The following CNNM4 variants were observed in gnomAD, a reference collection of about 807,000 sequenced individuals.
The protein encoded by CNNM4 is metal transporter CNNM4.
Under a neutral mutation model 53.7 loss-of-function variants are expected in CNNM4, and 32 were observed. The ratio of observed to expected loss-of-function variants is 0.60; its 90% CI spans 0.45 to 0.80. The LOEUF (loss-of-function observed/expected upper bound fraction) is 0.80, where lower values mean the gene tolerates loss of function less well. Ranked by LOEUF, CNNM4 falls within the 30% of genes least tolerant of loss-of-function variation. CNNM4 has a pLI of 0.00. For missense variants in CNNM4, 784 were observed against 1,022.0 expected, an observed-to-expected ratio of 0.77 and a Z score of 3.17; for synonymous variants, 410 against 440.0, an observed-to-expected ratio of 0.93 and a Z score of 0.85.
chr2:96,802,355 C>T (rs1000857765), intron 5 of CNNM4, among the ~76,000 whole-genome samples: 4 of 152,262 alleles, frequency 2.6e-5, no homozygotes, highest in African/African-American at 9.6e-5. Flanking sequence ...AGGAGACGCA[C>T]CCCAGCGGGT....
intron 1 of CNNM4, among the ~76,000 whole-genome samples, chr2:96,792,203 G>A (rs1361675352): frequency 3.5e-5 from 5 of 142,258 alleles, no homozygotes; most frequent in African/African-American, 5.2e-5. Context: ...CTGAGATCAC[G>A]CCACTGCACT....
chr2:96,772,249 C>T (rs1441497134), intron 1 of CNNM4, among the ~76,000 whole-genome samples: 2 of 147,384 alleles, frequency 1.4e-5, no homozygotes, highest in African/African-American at 5.1e-5. Flanking sequence ...CACAGGCAGG[C>T]GCTTACACAC....
Position 96,809,823 on chromosome 2 carries a change from A to G in CNNM4, c.*306A>G, listed in dbSNP as rs895340133. The G allele has an allele frequency of 4.4e-5, 14 of 315,992 alleles. No individual in the cohort carries two copies. The highest frequency in any genetic ancestry group is 7.0e-5 in the Non-Finnish European group (12 of 171,020). 19.6% of individuals were successfully genotyped at this position (315,992 alleles called of 1,614,324 possible). A position where few individuals can be genotyped will look rare whatever the true frequency, so the allele number is the denominator to read the frequency against. On this transcript the variant is annotated 3_prime_UTR_variant, in exon 7 of 7. Coordinates refer to ENST00000377075, the MANE Select transcript of CNNM4 (RefSeq NM_020184.4). ...TTTTTAAATATCATTTTGGGAAGGG[A>G]AGACAGGGTTAAGGAACTTTATTTA...
intron 1 of CNNM4, among the ~76,000 whole-genome samples, chr2:96,778,506 G>A (rs966396110): frequency 6.7e-6 from 1 of 150,070 alleles, no homozygotes; most frequent in African/African-American, 2.5e-5. Context: ...GCAGTGAGTC[G>A]AGATGGCACC....
chr2:96,799,310 A>AG (rs1184413136), intron 4 of CNNM4, 84 bp downstream of exon 4: 13 of 1,555,908 alleles, frequency 8.4e-6, no homozygotes, highest in Non-Finnish European at 9.7e-6. Context: ...CCTGCTGCGG[A>AG]GGTGCATGGC....
At chr2:96,791,191 A>C (rs1303784683) in intron 1 of CNNM4, among the ~76,000 whole-genome samples, 2 of 151,892 alleles carry the variant, frequency 1.3e-5, no homozygotes, top group East Asian at 3.9e-4. Context: ...AGTCCCAGCT[A>C]CTCAGGAGGC....
chr2:96,808,474 T>C lies in CNNM4; in HGVS notation c.1949-87T>C. The C allele has an allele frequency of 7.1e-7, 1 of 1,408,694 alleles. No homozygotes were observed. Among genetic ancestry groups the C allele is most frequent in the Non-Finnish European group, 1.0e-6 (1 of 1,003,364 alleles). The allele number at this position is 1,408,694 out of a possible 1,614,324, so 87.3% of individuals were successfully genotyped here. ...TTCCTGTTCCTGGGTGGGGTGTCCC[T>C]GGGCTTCCATGGGATGAGGTGAGAC... is the stretch of plus-strand genomic sequence containing the variant. On this transcript the variant is annotated intron_variant, in intron 5 of 6. Transcript: ENST00000377075. This position sits in a 1 kb window ranked among gnomAD's most constrained non-coding sequence, Gnocchi z 4.9.
intron 1 of CNNM4, among the ~76,000 whole-genome samples, chr2:96,779,314 G>A (rs2078953395): frequency 6.6e-6 from 1 of 152,004 alleles, no homozygotes; most frequent in South Asian, 2.1e-4. Flanking sequence ...TTTGAGACTA[G>A]CCTGGGCAAC....
rs898486949 is a variant in CNNM4 at position 96,809,099 on chromosome 2, C to A, written c.2131-221C>A. ...TCAAGCGATTTGCCCGCCTCAGCCT[C>A]CTGAAGTGCTGGGATTACAGGTGTG... On this transcript the variant is annotated intron_variant, in intron 6 of 6. Transcript: ENST00000377075. 6.0e-6 allele frequency: 6 copies of A among 998,842 alleles called. No individual in the cohort carries two copies. The Admixed American group carries it at 1.5e-4, about 25-fold the overall frequency. The allele number at this position is 998,842 out of a possible 1,614,324, so 61.9% of individuals were successfully genotyped here.
At position 96,761,354 on chromosome 2, in the gene CNNM4, C is replaced by T; in HGVS notation, c.355C>T (p.Gln119Ter). Residue 119 changes from glutamine (Q) to a stop codon, truncating the protein, a stop_gained, in exon 1 of 7, where the codon CAG becomes TAG. Transcript: ENST00000377075. LOFTEE classifies it high-confidence loss of function. This position sits in a 1 kb window ranked among gnomAD's most constrained non-coding sequence, Gnocchi z 6.0. ...GCTCACCAAGGACCTGGTCGTCCAG[C>T]AGCTGGTCAACGTGAGCCGCGGGAA... is the stretch of plus-strand genomic sequence containing the variant. ...LELTKDLVVQ[Q>*]LVNVSRGNTS... The T allele has an allele frequency of 6.2e-7, 1 of 1,614,090 alleles. No homozygotes were observed. The highest frequency in any genetic ancestry group is 8.5e-7 in the Non-Finnish European group (1 of 1,180,034).
In CNNM4 at chr2:96,761,796, G is replaced by T; in HGVS notation, c.797G>T (p.Gly266Val). Reference protein sequence around the residue: ...SLTILLDNLIGSGLMAVASST... With the variant: ...SLTILLDNLIVSGLMAVASST... ...ACAATCCTTCTAGACAACCTCATCG[G>T]GTCCGGCCTCATGGCGGTGGCCTCC... The change falls in exon 1 of 7, where the codon GGG becomes GTG. Residue 266 changes from glycine to valine, a missense_variant. Gly to Val is a moderately radical substitution (Grantham distance 109). This residue lies in a region of CNNM4 where 473 missense variants were observed against 624.6 expected (regional missense o/e 0.76). Coordinates refer to ENST00000377075, the MANE Select transcript of CNNM4 (RefSeq NM_020184.4). This position sits in a 1 kb window ranked among gnomAD's most constrained non-coding sequence, Gnocchi z 6.0. The T allele has an allele frequency of 6.2e-7, 1 of 1,613,668 alleles. No individual in the cohort carries two copies. Among genetic ancestry groups the T allele is most frequent in the Non-Finnish European group, 8.5e-7 (1 of 1,180,044 alleles).
At position 96,799,243 on chromosome 2, in the gene CNNM4, C is replaced by T. The variant is rs377682103; in HGVS notation, c.1851+17C>T. 1.9e-6 allele frequency: 3 copies of T among 1,614,096 alleles called. No individual in the cohort carries two copies. Among genetic ancestry groups the T allele is most frequent in the Non-Finnish European group, 2.5e-6 (3 of 1,179,996 alleles). On this transcript the variant is annotated intron_variant, in intron 4 of 6. Coordinates refer to ENST00000377075, the MANE Select transcript of CNNM4 (RefSeq NM_020184.4). ...ATCCTGCAGGTGAGCCCGCTCAGCC[C>T]TGGGCCTGCCACCTGCTCCCCCTGG... is the stretch of plus-strand genomic sequence containing the variant.
At chr2:96,806,970 G>C (rs911958049) in intron 5 of CNNM4, among the ~76,000 whole-genome samples, 8 of 152,160 alleles carry the variant, frequency 5.3e-5, no homozygotes, top group East Asian at 1.9e-4. Flanking sequence ...AAGTGGGTAG[G>C]ACTGTGTTTC....
rs376613124 is a variant in CNNM4 at position 96,766,143 on chromosome 2, C to T, written c.1402+3742C>T. Among the ~76,000 whole-genome samples, 26 of 142,420 alleles carry T rather than the reference C, an allele frequency of 1.8e-4. 2 individuals carry two copies. Among genetic ancestry groups the T allele is most frequent in the Admixed American group, 7.5e-4 (10 of 13,294 alleles). The allele number at this position is 142,420 out of a possible 152,430, so 93.4% of individuals were successfully genotyped here. A position where few individuals can be genotyped will look rare whatever the true frequency, so the allele number is the denominator to read the frequency against. ...ACAGAGTTTCACTCTGGCATGATCTCGGCTCACTGCAACCTCCACCTCCCA... is the reference window on the plus strand; with the variant it reads ...ACAGAGTTTCACTCTGGCATGATCTTGGCTCACTGCAACCTCCACCTCCCA... On this transcript the variant is annotated intron_variant, in intron 1 of 6. Transcript: ENST00000377075.
At position 96,809,373 on chromosome 2, in the gene CNNM4, C is replaced by A. The variant is rs769901850; in HGVS notation, c.2184C>A (p.Ser728Arg). Residue 728 changes from serine to arginine, a missense_variant, in exon 7 of 7, where the codon AGC becomes AGA. Around this residue, in one of 3 missense-constraint regions of CNNM4, gnomAD observed 307 missense variants for 376.3 expected, o/e 0.82. Coordinates refer to ENST00000377075, the MANE Select transcript of CNNM4 (RefSeq NM_020184.4). ...NGLLASRMEN[S>R]PQFPIDGCTT... Reference sequence around the variant, plus strand: ...TGCTGGCTTCTCGCATGGAGAACAGCCCTCAGTTTCCCATAGACGGGTGCA... The same window carrying A: ...TGCTGGCTTCTCGCATGGAGAACAGACCTCAGTTTCCCATAGACGGGTGCA... 11 of 1,614,202 alleles carry A rather than the reference C, an allele frequency of 6.8e-6. No homozygotes were observed. Among genetic ancestry groups the A allele is most frequent in the Middle Eastern group, 1.6e-4 (1 of 6,062 alleles).
chr2:96,792,802 CA>C (rs1250699840), intron 1 of CNNM4, among the ~76,000 whole-genome samples: 14 of 146,760 alleles, frequency 9.5e-5, no homozygotes, highest in South Asian at 2.2e-4. Context: ...GACTACATCT[CA>C]AAAAAAAAAG....
chr2:96,779,193 C>T lies in CNNM4; in HGVS notation c.1402+16792C>T, dbSNP rs866666447. 5.3e-5 allele frequency among the ~76,000 whole-genome samples: 8 copies of T among 152,200 alleles called. No homozygotes were observed. In the East Asian group the frequency reaches 5.8e-4, roughly 11 times the overall value. On this transcript the variant is annotated intron_variant, in intron 1 of 6. Transcript: ENST00000377075. Reference sequence around the variant, plus strand: ...CAGGATGGTCTCGATCTCCTGAGCTCGTGATCCGCCCGCCTCGGCCTCCCA... The same window carrying T: ...CAGGATGGTCTCGATCTCCTGAGCTTGTGATCCGCCCGCCTCGGCCTCCCA...
In CNNM4 at chr2:96,799,055, A is replaced by G; in HGVS notation, c.1682-2A>G. Reference sequence around the variant, plus strand: ...TGAGGTCTCTTCTCTCTCCTCCTACAGAGGTCTCTCAGTTTAGCCCCTCCC... The same window carrying G: ...TGAGGTCTCTTCTCTCTCCTCCTACGGAGGTCTCTCAGTTTAGCCCCTCCC... On this transcript the variant is annotated splice_acceptor_variant, in intron 3 of 6. Transcript: ENST00000377075. LOFTEE classifies it high-confidence loss of function. The G allele has an allele frequency of 1.2e-6, 2 of 1,614,016 alleles. No homozygotes were observed. The highest frequency in any genetic ancestry group is 1.7e-6 in the Non-Finnish European group (2 of 1,179,944).
chr2:96,789,700 ATTT>A (rs576794641), intron 1 of CNNM4, among the ~76,000 whole-genome samples: 1 of 144,094 alleles, frequency 6.9e-6, no homozygotes. Context: ...TTATTAGTTA[ATTT>A]TTTTTTTTTT....
Sources: gnomAD v4.1 joint callset for allele counts (sites outside exome capture counted in the v4.1 genomes callset) on GRCh38, gnomAD v4.1.1 for gene constraint, gnomAD v4.1.1 regional missense constraint, Gnocchi (gnomAD v3.1) non-coding constraint, MANE v1.5 for transcripts, NCBI Gene and HGNC (gene_info 2026-07-23, HGNC 2026-07-21) for gene names.